FRMD4A: variants seen among roughly 807,000 people sequenced by gnomAD.
FRMD4A encodes the protein FERM domain-containing protein 4A.
In FRMD4A, 29 loss-of-function variants were observed where a neutral mutation model predicts 129.1. The ratio of observed to expected loss-of-function variants is 0.22; its 90% CI spans 0.17 to 0.31. The LOEUF is 0.31. Among genes scored for constraint, FRMD4A ranks in the 10% least tolerant of loss-of-function variants. The probability of loss-of-function intolerance (pLI) is 1.00; values close to 1 mark genes in which losing one functional copy is unlikely to be tolerated. For synonymous variants in FRMD4A, 634 were observed against 571.6 expected, an observed-to-expected ratio of 1.11 and a Z score of -1.56; for missense variants, 1,272 against 1,375.8, an observed-to-expected ratio of 0.92 and a Z score of 1.19.
chr10:14,279,183 T>A (rs1414490238), intron 2 of FRMD4A, among the ~76,000 whole-genome samples: 3 of 35,944 alleles, frequency 8.3e-5, no homozygotes, highest in African/African-American at 3.0e-4. Context: ...GGAAGCGGGA[T>A]TTTTTTTTTT....
chr10:13,790,569 G>A (rs557311480), intron 5 of FRMD4A, among the ~76,000 whole-genome samples: 3 of 152,210 alleles, frequency 2.0e-5, no homozygotes, highest in Non-Finnish European at 4.4e-5. Context: ...TGGCCCAGGA[G>A]AGTGTAGTGC....
chr10:14,323,600 T>A (rs1802640732), intron 2 of FRMD4A, among the ~76,000 whole-genome samples: 1 of 152,088 alleles, frequency 6.6e-6, no homozygotes, highest in Non-Finnish European at 1.5e-5. Context: ...CTTCCTAGCA[T>A]CCCCTTCTGA....
At chr10:13,877,492 C>T (rs901841850) in intron 2 of FRMD4A, among the ~76,000 whole-genome samples, 9 of 152,176 alleles carry the variant, frequency 5.9e-5, no homozygotes, top group African/African-American at 1.9e-4. Context: ...CAGTCCTACA[C>T]GGAGGTCCCA....
At chr10:13,808,981 ACACG>A (rs902690358) in intron 4 of FRMD4A, among the ~76,000 whole-genome samples, 2 of 151,050 alleles carry the variant, frequency 1.3e-5, no homozygotes, top group African/African-American at 4.8e-5. Flanking sequence ...ACGCACGCAC[ACACG>A]CACGCACACA....
At chr10:13,918,122 A>G (rs564145887) in intron 2 of FRMD4A, among the ~76,000 whole-genome samples, 1 of 152,184 alleles carries the variant, frequency 6.6e-6, no homozygotes, top group Admixed American at 6.5e-5. Flanking sequence ...CTTTGTTTTC[A>G]TTACTTCCTA....
intron 2 of FRMD4A, among the ~76,000 whole-genome samples, chr10:13,933,574 G>A (rs553418418): frequency 7.2e-5 from 11 of 152,312 alleles, no homozygotes; most frequent in South Asian, 6.2e-4. Flanking sequence ...AATTTTGTCC[G>A]TGACAGGGGT....
At chr10:13,872,938 G>A (rs2094453183) in intron 2 of FRMD4A, among the ~76,000 whole-genome samples, 1 of 152,174 alleles carries the variant, frequency 6.6e-6, no homozygotes, top group South Asian at 2.1e-4. Context: ...CACTTTGGGA[G>A]GCGGAGGGGG....
At chr10:13,967,215 T>C (rs1399525161) in intron 2 of FRMD4A, among the ~76,000 whole-genome samples, 1 of 152,164 alleles carries the variant, frequency 6.6e-6, no homozygotes, top group African/African-American at 2.4e-5. Context: ...CGGGCGCCTG[T>C]AGTCCCAGCT....
At chr10:13,725,537 CTT>C (rs538714327) in intron 12 of FRMD4A, among the ~76,000 whole-genome samples, 1 of 147,750 alleles carries the variant, frequency 6.8e-6, no homozygotes, top group Admixed American at 6.8e-5. Flanking sequence ...CAGGGCAATG[CTT>C]TTTTTTTTTC....
At chr10:13,966,395 G>A (rs752731872) in intron 2 of FRMD4A, among the ~76,000 whole-genome samples, 10 of 152,148 alleles carry the variant, frequency 6.6e-5, no homozygotes, top group Non-Finnish European at 1.3e-4. Context: ...TAAAAGTAAT[G>A]GCAAACCCGC....
At chr10:13,758,965 A>G (rs2091963892) in intron 8 of FRMD4A, among the ~76,000 whole-genome samples, 1 of 152,188 alleles carries the variant, frequency 6.6e-6, no homozygotes, top group Non-Finnish European at 1.5e-5. Context: ...TCTTCCCAGA[A>G]GCAGATGGGA....
chr10:13,902,456 GGAGAGAGAGAGAGA>G (rs140040052), intron 2 of FRMD4A, among the ~76,000 whole-genome samples: 1 of 127,700 alleles, frequency 7.8e-6, no homozygotes, highest in Non-Finnish European at 1.6e-5. Flanking sequence ...GCAAAATACT[GGAGAGAGAGAGAGA>G]GAGAGAGAGA....
At chr10:13,674,115 A>G (rs1230946859) in intron 16 of FRMD4A, among the ~76,000 whole-genome samples, 1 of 152,212 alleles carries the variant, frequency 6.6e-6, no homozygotes, top group African/African-American at 2.4e-5. Context: ...ATTTTTTAAA[A>G]TGAAAAAGCT....
At chr10:14,191,501 T>C (rs1260120854) in intron 2 of FRMD4A, among the ~76,000 whole-genome samples, 1 of 152,208 alleles carries the variant, frequency 6.6e-6, no homozygotes, top group Non-Finnish European at 1.5e-5. Flanking sequence ...CTGTCACTAA[T>C]TGAGAAATAC....
intron 4 of FRMD4A, among the ~76,000 whole-genome samples, chr10:13,798,403 G>A (rs1331172175): frequency 6.6e-6 from 1 of 150,378 alleles, no homozygotes; most frequent in Non-Finnish European, 1.5e-5. Flanking sequence ...CAGAGACTCT[G>A]TCTCAAGAAA....
intron 2 of FRMD4A, among the ~76,000 whole-genome samples, chr10:14,173,707 C>A (rs1311782250): frequency 6.6e-6 from 1 of 152,120 alleles, no homozygotes; most frequent in African/African-American, 2.4e-5. Context: ...CCGAGGGCTG[C>A]ACGGCCCCAA....
Position 13,646,067 on chromosome 10 carries a change from C to G in FRMD4A, c.*971G>C, listed in dbSNP as rs1411790707. The G allele has an allele frequency of 6.6e-6, 1 of 152,476 alleles. No individual in the cohort carries two copies. The highest frequency in any genetic ancestry group is 1.5e-5 in the Non-Finnish European group (1 of 68,052). The allele number at this position is 152,476 out of a possible 1,614,324, so 9.4% of individuals were successfully genotyped here. A position where few individuals can be genotyped will look rare whatever the true frequency, so the allele number is the denominator to read the frequency against. ...TACCCTCTACGACTCCCACAGGTCT[C>G]TCTTTGTGTCCAGATGGATGGCGAC... On this transcript the variant is annotated 3_prime_UTR_variant, in exon 25 of 25. Coordinates refer to ENST00000357447, the MANE Select transcript of FRMD4A (RefSeq NM_018027.5).
chr10:14,088,660 T>C (rs930485741), intron 2 of FRMD4A, among the ~76,000 whole-genome samples: 5 of 150,752 alleles, frequency 3.3e-5, no homozygotes, highest in African/African-American at 4.9e-5. Flanking sequence ...CCCAGGTACT[T>C]GGGAGGCTGA....
intron 2 of FRMD4A, among the ~76,000 whole-genome samples, chr10:13,861,039 C>T (rs1019249885): frequency 6.6e-6 from 1 of 152,176 alleles, no homozygotes; most frequent in East Asian, 1.9e-4. Flanking sequence ...GAATGAGCGT[C>T]TCTGCAAATG....
Sources: gnomAD v4.1 joint callset for allele counts (sites outside exome capture counted in the v4.1 genomes callset) on GRCh38, gnomAD v4.1.1 for gene constraint, MANE v1.5 for transcripts, NCBI Gene and HGNC (gene_info 2026-07-23, HGNC 2026-07-21) for gene names.